PRKCE: variants seen among roughly 807,000 people sequenced by gnomAD.
The protein encoded by PRKCE is protein kinase C epsilon type.
In PRKCE, 16 loss-of-function variants were observed where a neutral mutation model predicts 85.4. The observed-to-expected ratio is 0.19, with a 90% confidence interval of 0.13 to 0.28. The LOEUF (loss-of-function observed/expected upper bound fraction) is 0.28, where lower values mean the gene tolerates loss of function less well. Ranked by LOEUF, PRKCE falls within the 10% of genes least tolerant of loss-of-function variation. The probability of loss-of-function intolerance (pLI) is 1.00; values close to 1 mark genes in which losing one functional copy is unlikely to be tolerated. For missense variants in PRKCE, 573 were observed against 975.2 expected (o/e 0.59, Z 5.49); for synonymous variants, 388 against 371.5 (o/e 1.04, Z -0.51).
chr2:45,843,954 G>A (rs1241047899), intron 2 of PRKCE, among the ~76,000 whole-genome samples: 1 of 152,176 alleles, frequency 6.6e-6, no homozygotes, highest in Non-Finnish European at 1.5e-5. Flanking sequence ...TGTCCCAAAA[G>A]GAAAAATGGA....
chr2:46,067,886 C>A (rs1459208914), intron 10 of PRKCE, among the ~76,000 whole-genome samples: 1 of 152,056 alleles, frequency 6.6e-6, no homozygotes, highest in African/African-American at 2.4e-5. Flanking sequence ...ATCTGGAATG[C>A]CGGTATTCCA....
In PRKCE at chr2:45,983,558, C is replaced by A. The variant is rs558135550; in HGVS notation, c.694-993C>A. Among the ~76,000 whole-genome samples the A allele has an allele frequency of 3.7e-4, 56 of 152,278 alleles. 2 individuals are homozygous for A. The South Asian group carries it at 0.011, about 31-fold the overall frequency. Reference sequence around the variant, plus strand: ...TCCATGAAATGTGTTATGCTTCTAGCCTCTTCCACCCCTGAGGTCTCATTG... The same window carrying A: ...TCCATGAAATGTGTTATGCTTCTAGACTCTTCCACCCCTGAGGTCTCATTG... On this transcript the variant is annotated intron_variant, in intron 5 of 14. Coordinates refer to ENST00000306156, the MANE Select transcript of PRKCE (RefSeq NM_005400.3).
chr2:45,720,861 C>T (rs192846685), intron 1 of PRKCE, among the ~76,000 whole-genome samples: 1 of 152,252 alleles, frequency 6.6e-6, no homozygotes, highest in Non-Finnish European at 1.5e-5. Flanking sequence ...GTAATCCCAG[C>T]ACTTTGGGAG....
intron 2 of PRKCE, among the ~76,000 whole-genome samples, chr2:45,891,987 A>G (rs978376398): frequency 6.6e-6 from 1 of 152,118 alleles, no homozygotes; most frequent in African/African-American, 2.4e-5. Context: ...CTCAAATCTA[A>G]TATCTTCCTG....
intron 14 of PRKCE, among the ~76,000 whole-genome samples, chr2:46,170,720 A>G (rs888827705): frequency 3.3e-5 from 5 of 152,224 alleles, no homozygotes; most frequent in African/African-American, 1.2e-4. Flanking sequence ...GAAACTTGAA[A>G]TTATTGTTGA....
At position 46,115,063 on chromosome 2, in the gene PRKCE, C is replaced by G. The variant is rs116038913; in HGVS notation, c.1592+28701C>G. On this transcript the variant is annotated intron_variant, in intron 11 of 14. Coordinates refer to ENST00000306156, the MANE Select transcript of PRKCE (RefSeq NM_005400.3). The stretch of plus-strand genomic sequence containing the variant: ...CTCCTGAGTGGCCCTCCACATGAAT[C>G]AGGCTGCTATAGAATTGTTCCATCT... Among the ~76,000 whole-genome samples, 851 of 152,310 alleles carry G rather than the reference C, an allele frequency of 5.6e-3. 9 individuals are homozygous for G. Among genetic ancestry groups the G allele is most frequent in the African/African-American group, 0.019 (807 of 41,554 alleles).
intron 1 of PRKCE, among the ~76,000 whole-genome samples, chr2:45,835,249 T>G (rs544576099): frequency 2.0e-5 from 3 of 152,362 alleles, no homozygotes; most frequent in African/African-American, 7.2e-5. Flanking sequence ...AAATAAATCG[T>G]TTTTTTCCAT....
chr2:45,961,625 C>T (rs2104424469), intron 2 of PRKCE, among the ~76,000 whole-genome samples: 1 of 152,242 alleles, frequency 6.6e-6, no homozygotes, highest in Admixed American at 6.5e-5. Context: ...GCTGAGGAGC[C>T]AGGCTTGTTA....
At chr2:45,807,913 C>A (rs530215946) in intron 1 of PRKCE, among the ~76,000 whole-genome samples, 1 of 152,094 alleles carries the variant, frequency 6.6e-6, no homozygotes, top group African/African-American at 2.4e-5. Flanking sequence ...TTTCCTGGTC[C>A]AGCCAGACTG....
At chr2:46,042,647 G>GAGTGGTAT (rs754342618) in intron 10 of PRKCE, among the ~76,000 whole-genome samples, 11 of 152,202 alleles carry the variant, frequency 7.2e-5, no homozygotes, top group Non-Finnish European at 1.6e-4. Flanking sequence ...CATGAGCCCT[G>GAGTGGTAT]AGTGGTATTC....
At chr2:46,070,515 C>T (rs1271947145) in intron 10 of PRKCE, among the ~76,000 whole-genome samples, 1 of 152,134 alleles carries the variant, frequency 6.6e-6, no homozygotes. Context: ...TGGTGACATG[C>T]ACCTGTAGTC....
intron 1 of PRKCE, among the ~76,000 whole-genome samples, chr2:45,781,934 A>G (rs1686223415): frequency 6.6e-6 from 1 of 152,174 alleles, no homozygotes; most frequent in African/African-American, 2.4e-5. Flanking sequence ...TGAAAAACAA[A>G]TTACCTGAAT....
rs571875391 is a variant in PRKCE, at chr2:45,697,464, A to C, written c.348+45016A>C. 3.2e-4 allele frequency among the ~76,000 whole-genome samples: 48 copies of C among 152,300 alleles called. 1 individual carries two copies. In the South Asian group the frequency reaches 8.3e-3, roughly 26 times the overall value. Reference sequence around the variant, plus strand: ...CAGATAAGGACTAACAAACAAAACCAAACCAGAGTGGAAATGGCAACCCGA... The same window carrying C: ...CAGATAAGGACTAACAAACAAAACCCAACCAGAGTGGAAATGGCAACCCGA... On this transcript the variant is annotated intron_variant, in intron 1 of 14. Transcript: ENST00000306156. The surrounding 1 kb of genome is among the most constrained non-coding windows in gnomAD (Gnocchi z 4.2).
rs1491557385 is a variant in PRKCE, at chr2:46,184,433, A to AC, written c.2068-302_2068-301insC. On this transcript the variant is annotated intron_variant, in intron 14 of 14. Transcript: ENST00000306156. The surrounding 1 kb of genome is among the most constrained non-coding windows in gnomAD (Gnocchi z 5.0). ...TGGGACCTTTGCATCATACACACAC[A>AC]AACACACACACACACACACACACAC... 2.9e-4 allele frequency among the ~76,000 whole-genome samples: 33 copies of AC among 112,522 alleles called. No homozygotes were observed. The East Asian group carries it at 6.1e-3, about 21-fold the overall frequency. The allele number at this position is 112,522 out of a possible 152,430, so 73.8% of individuals were successfully genotyped here. A position where few individuals can be genotyped will look rare whatever the true frequency, so the allele number is the denominator to read the frequency against.
At chr2:46,166,642 G>A (rs1322972764) in intron 14 of PRKCE, 2 of 152,230 alleles carry the variant, frequency 1.3e-5, no homozygotes, top group East Asian at 3.8e-4. Context: ...TGGCTTCCTT[G>A]AGCCTCCTTA....
chr2:45,930,757 G>A (rs930708762), intron 2 of PRKCE, among the ~76,000 whole-genome samples: 2 of 152,248 alleles, frequency 1.3e-5, no homozygotes, highest in African/African-American at 2.4e-5. Flanking sequence ...GATTCCAGGT[G>A]TCAGATCAGG....
chr2:45,789,272 G>A (rs1686853137), intron 1 of PRKCE, among the ~76,000 whole-genome samples: 1 of 152,160 alleles, frequency 6.6e-6, no homozygotes, highest in Non-Finnish European at 1.5e-5. Context: ...GTATAATAAT[G>A]TGATAACTCA....
chr2:45,830,598 G>A (rs1252472614), intron 1 of PRKCE, among the ~76,000 whole-genome samples: 1 of 152,138 alleles, frequency 6.6e-6, no homozygotes, highest in Non-Finnish European at 1.5e-5. Context: ...ACAAATAGAA[G>A]AGTATCTCCC....
chr2:45,877,410 C>A (rs750762970), intron 2 of PRKCE, among the ~76,000 whole-genome samples: 3 of 152,018 alleles, frequency 2.0e-5, no homozygotes, highest in Non-Finnish European at 4.4e-5. Context: ...ATACTCCATC[C>A]TCTTACTCTT....
Sources: allele counts gnomAD v4.1 joint callset (sites outside exome capture counted in the v4.1 genomes callset), GRCh38; gene constraint gnomAD v4.1.1; non-coding constraint Gnocchi (gnomAD v3.1); transcripts MANE v1.5; gene names NCBI Gene and HGNC (gene_info 2026-07-23, HGNC 2026-07-21).